Variants in LIMD1 observed in about 807,000 individuals in gnomAD.
LIMD1 encodes the protein LIM domain-containing protein 1.
Under a neutral mutation model 58.4 loss-of-function variants are expected in LIMD1, and 23 were observed. That is an observed-to-expected ratio of 0.39 (90% CI 0.28 to 0.56). The LOEUF (loss-of-function observed/expected upper bound fraction) is 0.56, where lower values mean the gene tolerates loss of function less well. Ranked by LOEUF, LIMD1 falls within the 20% of genes least tolerant of loss-of-function variation. The pLI, the probability that LIMD1 is intolerant of heterozygous loss-of-function variation, is 0.57. For missense variants in LIMD1, 838 were observed against 855.5 expected (o/e 0.98, Z 0.25); for synonymous variants, 334 against 345.5 (o/e 0.97, Z 0.37).
chr3:45,621,566 T>G (rs902977049), intron 1 of LIMD1, among the ~76,000 whole-genome samples: 5 of 152,198 alleles, frequency 3.3e-5, no homozygotes, highest in Non-Finnish European at 7.3e-5. Context: ...TAGAAACGTT[T>G]CTATTAGGCA....
chr3:45,631,697 G>C (rs1323935908), intron 1 of LIMD1, among the ~76,000 whole-genome samples: 1 of 152,158 alleles, frequency 6.6e-6, no homozygotes, highest in Non-Finnish European at 1.5e-5. Flanking sequence ...GGAGAGAGGG[G>C]AGGAAGCCCT....
intron 4 of LIMD1, among the ~76,000 whole-genome samples, chr3:45,671,109 G>C (rs1051727313): frequency 5.9e-5 from 9 of 152,222 alleles, no homozygotes; most frequent in Non-Finnish European, 7.3e-5. Context: ...ATTGCCAAAT[G>C]GGTTTTGGAA....
chr3:45,644,200 A>G (rs114124216), intron 2 of LIMD1, among the ~76,000 whole-genome samples: 4,612 of 152,320 alleles, frequency 0.03, 77 homozygotes, highest in Non-Finnish European at 0.041. Flanking sequence ...TAGCGAATGA[A>G]TAAGTCCTTG....
chr3:45,658,462 C>A (rs55712764), intron 2 of LIMD1, among the ~76,000 whole-genome samples: 1 of 141,248 alleles, frequency 7.1e-6, no homozygotes, highest in African/African-American at 2.5e-5. Flanking sequence ...ATTGGTAAAT[C>A]TTTGGGAAAG....
rs1701314612 is a variant in LIMD1 at position 45,594,791 on chromosome 3, A to ACACACACACACACACACAC, written c.-88_-70dup. The stretch of plus-strand genomic sequence containing the variant: ...CCCGCTGCCCTCAACACACACACAC[A>ACACACACACACACACACAC]CACACACACACACACACACACACAC... On this transcript the variant is annotated 5_prime_UTR_variant, in exon 1 of 8. Transcript: ENST00000273317. The ACACACACACACACACACAC allele has an allele frequency of 2.3e-5, 2 of 85,284 alleles. No individual in the cohort carries two copies. The highest frequency in any genetic ancestry group is 8.7e-5 in the African/African-American group (1 of 11,514). The allele number at this position is 85,284 out of a possible 1,614,324, so 5.3% of individuals were successfully genotyped here. A position where few individuals can be genotyped will look rare whatever the true frequency, so the allele number is the denominator to read the frequency against.
chr3:45,644,866 G>A (rs1701885691), intron 2 of LIMD1, among the ~76,000 whole-genome samples: 1 of 152,200 alleles, frequency 6.6e-6, no homozygotes, highest in Non-Finnish European at 1.5e-5. Context: ...TGTGAGTGCA[G>A]GAGAGTGGCC....
intron 2 of LIMD1, among the ~76,000 whole-genome samples, chr3:45,638,704 G>A (rs1701812796): frequency 6.6e-6 from 1 of 152,136 alleles, no homozygotes; most frequent in Admixed American, 6.5e-5. Context: ...TCTATTTTTA[G>A]TTCTTTGAGA....
chr3:45,632,709 G>C (rs1701747813), intron 1 of LIMD1, among the ~76,000 whole-genome samples: 1 of 152,216 alleles, frequency 6.6e-6, no homozygotes, highest in African/African-American at 2.4e-5. Flanking sequence ...AAATGCCCAG[G>C]TAACTAGCAA....
intron 2 of LIMD1, among the ~76,000 whole-genome samples, chr3:45,645,720 T>C (rs1701898128): frequency 6.6e-6 from 1 of 152,190 alleles, no homozygotes; most frequent in Admixed American, 6.5e-5. Context: ...TTGTAGGCAC[T>C]CCTCAGGTTT....
chr3:45,664,196 A>G (rs1697482194), intron 2 of LIMD1, among the ~76,000 whole-genome samples: 1 of 151,676 alleles, frequency 6.6e-6, no homozygotes, highest in African/African-American at 2.4e-5. Context: ...TGTAGAGACA[A>G]AGTTTCACCA....
chr3:45,614,902 T>G (rs1455542211), intron 1 of LIMD1, among the ~76,000 whole-genome samples: 2 of 152,110 alleles, frequency 1.3e-5, no homozygotes, highest in Non-Finnish European at 2.9e-5. Context: ...TAGACTTTTT[T>G]TTCTTTTACA....
At chr3:45,599,971 C>G (rs771990266) in intron 1 of LIMD1, among the ~76,000 whole-genome samples, 14 of 152,160 alleles carry the variant, frequency 9.2e-5, no homozygotes, top group Non-Finnish European at 1.8e-4. Context: ...GTGTGGGGAC[C>G]ATGAAGAGAC....
intron 1 of LIMD1, among the ~76,000 whole-genome samples, chr3:45,621,375 A>C (rs1490083488): frequency 6.6e-6 from 1 of 152,108 alleles, no homozygotes; most frequent in African/African-American, 2.4e-5. Context: ...GTCTACAGGC[A>C]TGTACCACCA....
At chr3:45,607,076 G>C (rs886422239) in intron 1 of LIMD1, among the ~76,000 whole-genome samples, 2 of 152,208 alleles carry the variant, frequency 1.3e-5, no homozygotes, top group Admixed American at 1.3e-4. Context: ...TTACAGGTGT[G>C]AGCCACCATG....
intron 1 of LIMD1, among the ~76,000 whole-genome samples, chr3:45,628,864 G>A (rs572242813): frequency 3.9e-5 from 6 of 152,320 alleles, no homozygotes; most frequent in African/African-American, 9.6e-5. Flanking sequence ...AACAGCATGC[G>A]TGAATCTCAA....
At chr3:45,597,740 A>G (rs1482595071) in intron 1 of LIMD1, among the ~76,000 whole-genome samples, 1 of 152,156 alleles carries the variant, frequency 6.6e-6, no homozygotes, top group African/African-American at 2.4e-5. Context: ...TGGGAGAGGA[A>G]GACAGCTGGC....
At position 45,595,637 on chromosome 3, in the gene LIMD1, G is replaced by A. The variant is rs1023419279; in HGVS notation, c.758G>A (p.Gly253Asp). Reference sequence around the variant, plus strand: ...GGTGGTCAGAATAGTGGCATTGGTGGCCGCAGCAGCGAGAAGCCAACAGGC... The same window carrying A: ...GGTGGTCAGAATAGTGGCATTGGTGACCGCAGCAGCGAGAAGCCAACAGGC... ...SLGGQNSGIG[G>D]RSSEKPTGLW... Residue 253 changes from glycine (G) to aspartate (D), a missense_variant, in exon 1 of 8, where the codon GGC becomes GAC. Gly to Asp is a moderately conservative substitution (Grantham distance 94). Transcript: ENST00000273317. 43 of 1,613,996 alleles carry A rather than the reference G, an allele frequency of 2.7e-5. No homozygotes were observed. Among genetic ancestry groups the A allele is most frequent in the Non-Finnish European group, 3.3e-5 (39 of 1,180,016 alleles).
rs1697785467 is a variant in LIMD1, at chr3:45,684,526, AAG to A, written c.*7471_*7472del. The stretch of plus-strand genomic sequence containing the variant: ...AGCAGAAAGTTTAACAGGCAGAAAA[AAG>A]AGAACAGCTCCCCCATGCAGAGGGA... On this transcript the variant is annotated 3_prime_UTR_variant, in exon 8 of 8. Transcript: ENST00000273317. 1 of 152,208 alleles carries A rather than the reference AAG, an allele frequency of 6.6e-6. No individual in the cohort carries two copies. The highest frequency in any genetic ancestry group is 6.5e-5 in the Admixed American group (1 of 15,276). The allele number at this position is 152,208 out of a possible 1,614,324, so 9.4% of individuals were successfully genotyped here.
chr3:45,605,460 T>G (rs1391248860), intron 1 of LIMD1, among the ~76,000 whole-genome samples: 1 of 152,262 alleles, frequency 6.6e-6, no homozygotes, highest in Admixed American at 6.5e-5. Flanking sequence ...CCTTCCATTC[T>G]TAGAATAATC....
Sources: gnomAD v4.1 joint callset for allele counts (sites outside exome capture counted in the v4.1 genomes callset) on GRCh38, gnomAD v4.1.1 for gene constraint, MANE v1.5 for transcripts, NCBI Gene and HGNC (gene_info 2026-07-23, HGNC 2026-07-21) for gene names.